The following IKBIP variants were observed in gnomAD, a reference collection of about 807,000 sequenced individuals.
The protein encoded by IKBIP is inhibitor of nuclear factor kappa-B kinase-interacting protein.
IKBIP carries 28 observed loss-of-function variants against 31.0 expected under a neutral mutation model. The ratio of observed to expected loss-of-function variants is 0.90; its 90% CI spans 0.67 to 1.24. IKBIP has a LOEUF of 1.24. Among genes scored for constraint, IKBIP ranks in the 50% most tolerant of loss-of-function variants. The pLI is 0.00. For missense variants in IKBIP, 453 were observed against 441.9 expected (o/e 1.03, Z -0.23); for synonymous variants, 164 against 160.3 (o/e 1.02, Z -0.17).
chr12:98,616,675 T>C (rs1052196781), intron 2 of IKBIP, among the ~76,000 whole-genome samples: 1 of 152,230 alleles, frequency 6.6e-6, no homozygotes, highest in South Asian at 2.1e-4. Context: ...TGGTTTGATA[T>C]AAGGGTCCAG....
At chr12:98,634,533 G>A (rs555569458) in intron 1 of IKBIP, 120 bp from the exon 2 acceptor site, 24 of 453,354 alleles carry the variant, frequency 5.3e-5, no homozygotes, top group Admixed American at 2.8e-4. Context: ...GGTAGCTGTA[G>A]GTTTTTTTTT....
At chr12:98,614,159 C>T (rs774944366) in exon 3 of IKBIP, 21 of 1,613,584 alleles carry the variant, frequency 1.3e-5, no homozygotes, top group African/African-American at 6.7e-5. Context: ...GGAAGTTGTA[C>T]TTTGGTCTAC....
chr12:98,625,434 T>A lies in IKBIP; in HGVS notation c.*496A>T, dbSNP rs1216932128. On this transcript the variant is annotated 3_prime_UTR_variant, in exon 3 of 3. Coordinates refer to ENST00000299157, the MANE Select transcript of IKBIP (RefSeq NM_153687.4). ...TTCCCATGAACTTGGTTGTGTGGAT[T>A]CTTAACCTGCAGTGAATTACCTAAG... 2 of 403,362 alleles carry A rather than the reference T, an allele frequency of 5.0e-6. No homozygotes were observed. The highest frequency in any genetic ancestry group is 6.7e-6 in the Non-Finnish European group (2 of 298,316). 25.0% of individuals were successfully genotyped at this position (403,362 alleles called of 1,614,324 possible). A position where few individuals can be genotyped will look rare whatever the true frequency, so the allele number is the denominator to read the frequency against.
At chr12:98,642,094 T>C (rs945878473) in intron 1 of IKBIP, among the ~76,000 whole-genome samples, 4 of 152,256 alleles carry the variant, frequency 2.6e-5, no homozygotes, top group African/African-American at 9.6e-5. Context: ...GAGGGAAATT[T>C]TATTCCCATA....
intron 1 of IKBIP, among the ~76,000 whole-genome samples, chr12:98,642,502 T>A (rs2097631361): frequency 6.6e-6 from 1 of 151,806 alleles, no homozygotes; most frequent in African/African-American, 2.4e-5. Context: ...TTTTAAGGCA[T>A]AAGAGCCGTT....
At chr12:98,643,417 A>C (rs1309440119) in intron 1 of IKBIP, among the ~76,000 whole-genome samples, 2 of 152,160 alleles carry the variant, frequency 1.3e-5, no homozygotes, top group Non-Finnish European at 2.9e-5. Context: ...TTTACACATG[A>C]ATGAAAAATG....
At chr12:98,632,512 A>AATATATATATATATATATATATAT (rs71436924) in intron 2 of IKBIP, among the ~76,000 whole-genome samples, 1 of 22,792 alleles carries the variant, frequency 4.4e-5, no homozygotes, top group African/African-American at 1.7e-4. Flanking sequence ...AAAAAAAAAA[A>AATATATATATATATATATATATAT]ATATATATAT....
Position 98,613,677 on chromosome 12 carries a change from A to G in IKBIP, c.961T>C (p.Phe321Leu), listed in dbSNP as rs1404648896. ...AAATTAGATATTTTTTCACTTAAGA[A>G]AGCAATTTCTTTCTCTCTTTGTAGT... The change falls in exon 3 of 3, where the codon TTC becomes CTC. Residue 321 changes from phenylalanine (F) to leucine (L), a missense_variant. Phe to Leu is a conservative substitution (Grantham distance 22, BLOSUM62 0). Transcript: ENST00000342502. The G allele has an allele frequency of 2.5e-6, 4 of 1,602,098 alleles. No homozygotes were observed. The Admixed American group carries it at 5.1e-5, about 21-fold the overall frequency.
intron 2 of IKBIP, among the ~76,000 whole-genome samples, chr12:98,627,358 T>C (rs2097615528): frequency 6.6e-6 from 1 of 151,820 alleles, no homozygotes. Context: ...AAGAGAAAAG[T>C]AATGTTAAAG....
rs2097613641 is a variant in IKBIP, at chr12:98,625,795, T to A, written c.*135A>T. ...AAAAGATAAGCTTTGATTATGTGGA[T>A]AATCCATTTGTGTGGACATCTCATT... On this transcript the variant is annotated 3_prime_UTR_variant, in exon 3 of 3. Coordinates refer to ENST00000299157, the MANE Select transcript of IKBIP (RefSeq NM_153687.4). 1.6e-6 allele frequency: 1 copy of A among 615,382 alleles called. No homozygotes were observed. The highest frequency in any genetic ancestry group is 1.9e-5 in the African/African-American group (1 of 52,364). 38.1% of individuals were successfully genotyped at this position (615,382 alleles called of 1,614,324 possible).
chr12:98,620,316 A>T (rs931068529), downstream of IKBIP, among the ~76,000 whole-genome samples: 1 of 151,984 alleles, frequency 6.6e-6, no homozygotes, highest in Non-Finnish European at 1.5e-5. Flanking sequence ...GCACAGCAAC[A>T]TGGTTCAAGA....
intron 2 of IKBIP, among the ~76,000 whole-genome samples, chr12:98,616,025 G>A (rs1276359478): frequency 6.6e-6 from 1 of 151,778 alleles, no homozygotes; most frequent in Non-Finnish European, 1.5e-5. Context: ...AAGTGGGATT[G>A]CTGGATCATA....
chr12:98,632,512 A>AAAT (rs1565842287), intron 2 of IKBIP, among the ~76,000 whole-genome samples: 6 of 22,792 alleles, frequency 2.6e-4, no homozygotes, highest in Non-Finnish European at 3.6e-4. Flanking sequence ...AAAAAAAAAA[A>AAAT]ATATATATAT....
exon 3 of IKBIP, chr12:98,614,057 T>C: frequency 1.9e-6 from 3 of 1,612,266 alleles, no homozygotes; most frequent in Non-Finnish European, 2.5e-6. Flanking sequence ...TTGCACAGAA[T>C]CTGTCAATGA....
chr12:98,625,037 T>C lies in IKBIP; in HGVS notation c.*893A>G, dbSNP rs1004124199. ...AGCCAGATGGTCTTGATCTCCTGAC[T>C]TCGTGATCTGCCCACCTCGGCCTCC... On this transcript the variant is annotated 3_prime_UTR_variant, in exon 3 of 3. Transcript: ENST00000299157. 12 of 604,232 alleles carry C rather than the reference T, an allele frequency of 2.0e-5. No homozygotes were observed. The highest frequency in any genetic ancestry group is 2.3e-5 in the Non-Finnish European group (11 of 482,120). The allele number at this position is 604,232 out of a possible 1,614,324, so 37.4% of individuals were successfully genotyped here. A position where few individuals can be genotyped will look rare whatever the true frequency, so the allele number is the denominator to read the frequency against.
Position 98,644,760 on chromosome 12 carries a change from G to T in IKBIP, c.-59C>A. 8 of 1,552,726 alleles carry T rather than the reference G, an allele frequency of 5.2e-6. No homozygotes were observed. The highest frequency in any genetic ancestry group is 1.2e-5 in the South Asian group (1 of 84,996). On this transcript the variant is annotated 5_prime_UTR_variant, in exon 1 of 3. Transcript: ENST00000299157. ...GCTTCTTCACCAGGGGGAGCAGGACGTGGCCGCCTTGGCGTTCGTGGGAAC... is the reference window on the plus strand; with the variant it reads ...GCTTCTTCACCAGGGGGAGCAGGACTTGGCCGCCTTGGCGTTCGTGGGAAC...
At chr12:98,641,784 T>C (rs916922293) in intron 1 of IKBIP, among the ~76,000 whole-genome samples, 1 of 37,334 alleles carries the variant, frequency 2.7e-5, no homozygotes, top group Non-Finnish European at 4.6e-5. Context: ...GCCTCCCAAG[T>C]ACCTGGGACT....
chr12:98,625,951 TTTA>T lies in IKBIP; in HGVS notation c.1110_1112del (p.Asn370del), dbSNP rs769012748. The T allele has an allele frequency of 7.2e-7, 1 of 1,395,730 alleles. No individual in the cohort carries two copies. The highest frequency in any genetic ancestry group is 9.5e-7 in the Non-Finnish European group (1 of 1,049,288). The allele number at this position is 1,395,730 out of a possible 1,614,324, so 86.5% of individuals were successfully genotyped here. ...GAATTTAAAAATCACCACCAATTCC[TTTA>T]TTTTCTATATTATATTCTTTTAAAG... On this transcript the variant is annotated inframe_deletion, in exon 3 of 3. Transcript: ENST00000299157.
intron 2 of IKBIP, among the ~76,000 whole-genome samples, chr12:98,616,872 G>T (rs2153293632): frequency 6.6e-6 from 1 of 152,152 alleles, no homozygotes; most frequent in Admixed American, 6.5e-5. Flanking sequence ...ACGCTGTTTG[G>T]ATTACTACAG....
Sources: gnomAD v4.1 joint callset for allele counts (sites outside exome capture counted in the v4.1 genomes callset) on GRCh38, gnomAD v4.1.1 for gene constraint, MANE v1.5 for transcripts, NCBI Gene and HGNC (gene_info 2026-07-23, HGNC 2026-07-21) for gene names.